Variants in DYM observed in about 807,000 individuals in gnomAD.
DYM encodes dyggve-Melchior-Clausen syndrome protein.
Under a neutral mutation model 93.1 loss-of-function variants are expected in DYM, and 78 were observed. The ratio of observed to expected loss-of-function variants is 0.84; its 90% CI spans 0.70 to 1.01. The LOEUF is 1.01. Ranked by LOEUF, DYM falls within the 50% of genes least tolerant of loss-of-function variation. The pLI is 0.00. For synonymous variants in DYM, 321 were observed against 319.7 expected, an observed-to-expected ratio of 1.00 and a Z score of -0.04; for missense variants, 789 against 845.0, an observed-to-expected ratio of 0.93 and a Z score of 0.82.
At position 49,321,490 on chromosome 18, in the gene DYM, C is replaced by T. The variant is rs1599406875; in HGVS notation, c.763+10374G>A. On this transcript the variant is annotated intron_variant, in intron 8 of 17. Coordinates refer to ENST00000675505, the MANE Select transcript of DYM (RefSeq NM_001353214.3). Reference sequence around the variant, plus strand: ...ATTACAAGAAAAAAAGATAACAAAGCTGTATTTTGACATTAGATTATTTCC... The same window carrying T: ...ATTACAAGAAAAAAAGATAACAAAGTTGTATTTTGACATTAGATTATTTCC... The T allele has an allele frequency of 1.0e-5, 4 of 395,436 alleles. No individual in the cohort carries two copies. In the East Asian group the frequency reaches 1.1e-4, roughly 11 times the overall value. The allele number at this position is 395,436 out of a possible 1,614,324, so 24.5% of individuals were successfully genotyped here. A position where few individuals can be genotyped will look rare whatever the true frequency, so the allele number is the denominator to read the frequency against.
At chr18:49,145,134 T>TATATATATAA (rs1555778609) in intron 15 of DYM, among the ~76,000 whole-genome samples, 3,527 of 79,380 alleles carry the variant, frequency 0.044, 457 homozygotes, top group Admixed American at 0.13. Flanking sequence ...TATATATATA[T>TATATATATAA]AATTTATATA....
At chr18:49,144,375 G>A (rs2084858118) in intron 15 of DYM, among the ~76,000 whole-genome samples, 1 of 151,910 alleles carries the variant, frequency 6.6e-6, no homozygotes, top group Non-Finnish European at 1.5e-5. Context: ...CATAATCTAT[G>A]GTTCCCTCTT....
chr18:49,286,256 T>C (rs1175646504), intron 9 of DYM, among the ~76,000 whole-genome samples, 178 bp downstream of exon 9: 3 of 152,178 alleles, frequency 2.0e-5, no homozygotes, highest in Admixed American at 6.5e-5. Context: ...GGATCAGATA[T>C]AAAGGATGCT....
chr18:49,315,139 C>T (rs909817802), intron 8 of DYM, among the ~76,000 whole-genome samples: 2 of 151,568 alleles, frequency 1.3e-5, no homozygotes, highest in African/African-American at 2.4e-5. Flanking sequence ...CGCTTAAGCC[C>T]GAGAGGCGGA....
At chr18:49,299,594 G>A (rs1466625285) in intron 8 of DYM, among the ~76,000 whole-genome samples, 1 of 151,956 alleles carries the variant, frequency 6.6e-6, no homozygotes, top group Non-Finnish European at 1.5e-5. Context: ...CTAAACTGTG[G>A]GTTCCCTGAG....
At chr18:49,436,294 G>A (rs892114804) in intron 1 of DYM, among the ~76,000 whole-genome samples, 2 of 152,070 alleles carry the variant, frequency 1.3e-5, no homozygotes, top group Non-Finnish European at 2.9e-5. Context: ...GGAATTAGAG[G>A]TATGAGCCAC....
intron 14 of DYM, among the ~76,000 whole-genome samples, chr18:49,175,706 G>A (rs1429783065): frequency 3.9e-5 from 6 of 152,158 alleles, no homozygotes; most frequent in African/African-American, 1.4e-4. Flanking sequence ...ACAGCATAAT[G>A]CATGGACAAC....
chr18:49,227,884 T>TC (rs1229694417), intron 13 of DYM, among the ~76,000 whole-genome samples: 3 of 152,112 alleles, frequency 2.0e-5, no homozygotes, highest in African/African-American at 7.2e-5. Context: ...TGGAGATACT[T>TC]CTTCAATCTC....
At chr18:49,345,201 C>T (rs753902655) in intron 6 of DYM, among the ~76,000 whole-genome samples, 1 of 152,054 alleles carries the variant, frequency 6.6e-6, no homozygotes, top group African/African-American at 2.4e-5. Context: ...GTTATAATTT[C>T]CCACCAAAGA....
chr18:49,220,994 G>A (rs1014980823), intron 13 of DYM, among the ~76,000 whole-genome samples: 17 of 152,208 alleles, frequency 1.1e-4, no homozygotes, highest in South Asian at 8.3e-4. Context: ...GAAAATTTTC[G>A]CAACCTACTC....
At chr18:49,251,826 T>C (rs2094294221) in intron 13 of DYM, among the ~76,000 whole-genome samples, 2 of 152,170 alleles carry the variant, frequency 1.3e-5, no homozygotes, top group Non-Finnish European at 2.9e-5. Flanking sequence ...GCTTATCCTC[T>C]ACATTGTACT....
intron 1 of DYM, among the ~76,000 whole-genome samples, chr18:49,444,791 C>T (rs898595576): frequency 4.6e-5 from 7 of 152,162 alleles, no homozygotes; most frequent in African/African-American, 1.7e-4. Flanking sequence ...TAAAAGAATT[C>T]TGTAAATGTC....
chr18:49,188,310 G>A (rs1223088532), intron 14 of DYM, among the ~76,000 whole-genome samples: 3 of 152,106 alleles, frequency 2.0e-5, no homozygotes, highest in Non-Finnish European at 4.4e-5. Flanking sequence ...AGGGGGTCCT[G>A]GTTCTGTCCA....
At chr18:49,212,788 T>C (rs2092844346) in intron 13 of DYM, among the ~76,000 whole-genome samples, 1 of 152,136 alleles carries the variant, frequency 6.6e-6, no homozygotes, top group South Asian at 2.1e-4. Flanking sequence ...TAAGCCACCA[T>C]GTCCGGCCTA....
At chr18:49,123,599 G>C (rs1347891700) in intron 15 of DYM, among the ~76,000 whole-genome samples, 1 of 152,200 alleles carries the variant, frequency 6.6e-6, no homozygotes, top group Admixed American at 6.5e-5. Context: ...CAGCTCAGCA[G>C]GCTCACTGTT....
At chr18:49,156,732 C>CA (rs1224742522) in intron 15 of DYM, among the ~76,000 whole-genome samples, 3,661 of 62,522 alleles carry the variant, frequency 0.059, 108 homozygotes, top group African/African-American at 0.11. Flanking sequence ...AACGCTGTCT[C>CA]AAAAAAAAAA....
chr18:49,286,721 C>A, intron 8 of DYM, 105 bp from the exon 9 acceptor site: 1 of 1,131,794 alleles, frequency 8.8e-7, no homozygotes, highest in Non-Finnish European at 1.3e-6. Flanking sequence ...TGAGCAGTTC[C>A]AAAGTGTAGA....
At chr18:49,450,047 T>C (rs1338222733) in intron 1 of DYM, among the ~76,000 whole-genome samples, 1 of 152,208 alleles carries the variant, frequency 6.6e-6, no homozygotes, top group Non-Finnish European at 1.5e-5. Context: ...AGCATGAAAA[T>C]ATAAATTTTG....
intron 5 of DYM, among the ~76,000 whole-genome samples, chr18:49,373,475 C>A (rs897213282): frequency 2.6e-5 from 4 of 152,098 alleles, no homozygotes; most frequent in Admixed American, 6.5e-5. Context: ...GGGAGTGTAG[C>A]AGTAAGGATG....
Sources: gnomAD v4.1 joint callset for allele counts (sites outside exome capture counted in the v4.1 genomes callset) on GRCh38, gnomAD v4.1.1 for gene constraint, MANE v1.5 for transcripts, NCBI Gene and HGNC (gene_info 2026-07-23, HGNC 2026-07-21) for gene names.